BPTF: variants seen among roughly 807,000 people sequenced by gnomAD.
BPTF encodes nucleosome-remodeling factor subunit BPTF.
Under a neutral mutation model 292.5 loss-of-function variants are expected in BPTF, and 18 were observed. The ratio of observed to expected loss-of-function variants is 0.06; its 90% CI spans 0.04 to 0.09. BPTF has a LOEUF of 0.09. Ranked by LOEUF, BPTF falls within the 10% of genes least tolerant of loss-of-function variation. The pLI, the probability that BPTF is intolerant of heterozygous loss-of-function variation, is 1.00. For synonymous variants in BPTF, 1,225 were observed against 1,251.9 expected (o/e 0.98, Z 0.45); for missense variants, 2,726 against 3,498.7 (o/e 0.78, Z 5.57).
At chr17:67,918,136 A>G (rs1207745264) in intron 11 of BPTF, among the ~76,000 whole-genome samples, 2 of 150,406 alleles carry the variant, frequency 1.3e-5, no homozygotes, top group African/African-American at 4.9e-5. Flanking sequence ...GGGTTTTGCC[A>G]TATTGGTCAG....
intron 2 of BPTF, among the ~76,000 whole-genome samples, chr17:67,857,475 TTTTTTTGA>T (rs1015310987): frequency 6.6e-6 from 1 of 151,050 alleles, no homozygotes. Context: ...ATTTTTTTTT[TTTTTTTGA>T]AGACAAGATC....
intron 27 of BPTF, among the ~76,000 whole-genome samples, chr17:67,978,302 A>AT (rs1295204423): frequency 5.6e-4 from 22 of 39,492 alleles, no homozygotes; most frequent in Admixed American, 1.4e-3. Flanking sequence ...ATATATATAT[A>AT]TATATATTTT....
At chr17:67,833,368 C>T (rs1244977530) in intron 1 of BPTF, among the ~76,000 whole-genome samples, 1 of 151,834 alleles carries the variant, frequency 6.6e-6, no homozygotes, top group African/African-American at 2.4e-5. Flanking sequence ...ATTACAGGCA[C>T]ACATCTCTGT....
chr17:67,921,090 A>C (rs1184310125), intron 13 of BPTF, among the ~76,000 whole-genome samples: 3 of 151,418 alleles, frequency 2.0e-5, no homozygotes, highest in Admixed American at 1.3e-4. Flanking sequence ...CATGCCTGTA[A>C]TCCCAGCTAC....
intron 25 of BPTF, chr17:67,965,354 A>G (rs1555686700): frequency 6.7e-6 from 1 of 149,704 alleles, no homozygotes; most frequent in Non-Finnish European, 1.5e-5. Flanking sequence ...GAAAAAAAAG[A>G]AAAACGGGAT....
intron 14 of BPTF, 23 bp downstream of exon 14, chr17:67,923,013 G>A (rs1191063782): frequency 6.3e-7 from 1 of 1,589,896 alleles, no homozygotes; most frequent in Admixed American, 1.9e-5. Context: ...TTAATACCTG[G>A]TCAGCTATTT....
chr17:67,971,085 C>G lies in BPTF; in HGVS notation c.8539+4429C>G, dbSNP rs568674491. 2.0e-5 allele frequency among the ~76,000 whole-genome samples: 3 copies of G among 151,490 alleles called. No homozygotes were observed. In the East Asian group the frequency reaches 5.8e-4, roughly 29 times the overall value. ...TTCTGAGTAGCGGGGATGTAGTATACTTTTTTTGTTTGTTTGTTTTTTGAG... is the reference window on the plus strand; with the variant it reads ...TTCTGAGTAGCGGGGATGTAGTATAGTTTTTTTGTTTGTTTGTTTTTTGAG... On this transcript the variant is annotated intron_variant, in intron 26 of 27. Transcript: ENST00000306378.
At chr17:67,882,229 C>T (rs981333221) in intron 4 of BPTF, among the ~76,000 whole-genome samples, 2 of 152,032 alleles carry the variant, frequency 1.3e-5, no homozygotes, top group African/African-American at 4.8e-5. Flanking sequence ...CCAAGAAGTC[C>T]TGGTTCCTTT....
At chr17:67,953,054 C>T (rs545057513) in intron 23 of BPTF, among the ~76,000 whole-genome samples, 68 of 151,372 alleles carry the variant, frequency 4.5e-4, no homozygotes, top group African/African-American at 9.7e-4. Flanking sequence ...TCCGTCTCCC[C>T]GGGTTCACGC....
At chr17:67,828,461 T>G (rs1450253432) in intron 1 of BPTF, among the ~76,000 whole-genome samples, 2 of 152,254 alleles carry the variant, frequency 1.3e-5, no homozygotes, top group African/African-American at 2.4e-5. Context: ...ATATGCTGAC[T>G]TAAATTACAA....
Position 67,920,184 on chromosome 17 carries a change from A to G in BPTF, c.5557+41A>G. 2.6e-6 allele frequency: 4 copies of G among 1,563,572 alleles called. No individual in the cohort carries two copies. The East Asian group carries it at 9.0e-5, about 35-fold the overall frequency. On this transcript the variant is annotated intron_variant, in intron 13 of 27. Transcript: ENST00000306378. ...CTATTCTTTCATGATTAACCTGTTA[A>G]CCATGTATTTTATGAATTGAAATTT...
chr17:67,904,959 G>T (rs1047583724), intron 9 of BPTF, 119 bp downstream of exon 9: 4 of 744,418 alleles, frequency 5.4e-6, no homozygotes, highest in Non-Finnish European at 8.1e-6. Flanking sequence ...TATTCGTACT[G>T]CAGAATTACT....
chr17:67,860,240 A>C (rs2058996135), intron 2 of BPTF, among the ~76,000 whole-genome samples: 1 of 152,230 alleles, frequency 6.6e-6, no homozygotes, highest in African/African-American at 2.4e-5. Flanking sequence ...CAAATCTGAA[A>C]GATTTTACAT....
At chr17:67,922,191 T>G (rs2078269427) in intron 13 of BPTF, among the ~76,000 whole-genome samples, 1 of 152,226 alleles carries the variant, frequency 6.6e-6, no homozygotes, top group African/African-American at 2.4e-5. Context: ...TCTCTTTGGC[T>G]TGTATCCCTT....
At chr17:67,904,254 T>A (rs1360737148) in intron 8 of BPTF, among the ~76,000 whole-genome samples, 1 of 152,160 alleles carries the variant, frequency 6.6e-6, no homozygotes, top group Non-Finnish European at 1.5e-5. Context: ...GTCTTGGAAC[T>A]CCTGACCTCA....
In BPTF at chr17:67,831,148, C is replaced by T. The variant is rs547262989; in HGVS notation, c.613+4811C>T. ...CTTCTGCAGGATGGATTGACAAGGA[C>T]GAGATAGCTGGTGGGTTTTGTAGCC... On this transcript the variant is annotated intron_variant, in intron 1 of 27. Transcript: ENST00000306378. 5.9e-5 allele frequency among the ~76,000 whole-genome samples: 9 copies of T among 152,200 alleles called. No individual in the cohort carries two copies. The South Asian group carries it at 1.9e-3, about 32-fold the overall frequency.
intron 5 of BPTF, 123 bp from the exon 6 acceptor site, chr17:67,893,247 A>G (rs570961612): frequency 7.3e-6 from 5 of 684,548 alleles, no homozygotes; most frequent in Admixed American, 2.9e-5. Flanking sequence ...CAAAAGTTCT[A>G]TCATAAGATT....
chr17:67,939,536 A>C (rs903060469), intron 18 of BPTF, among the ~76,000 whole-genome samples: 3 of 152,242 alleles, frequency 2.0e-5, no homozygotes, highest in Non-Finnish European at 4.4e-5. Flanking sequence ...GAGCCATTCC[A>C]GTTCAACTTC....
At chr17:67,979,169 C>CAAAAAAAAAAAAAA (rs11376410) in intron 27 of BPTF, among the ~76,000 whole-genome samples, 6 of 72,564 alleles carry the variant, frequency 8.3e-5, no homozygotes, top group African/African-American at 4.8e-4. Context: ...GACCCTGTCT[C>CAAAAAAAAAAAAAA]AAAAAAAAAA....
Sources: allele counts gnomAD v4.1 joint callset (sites outside exome capture counted in the v4.1 genomes callset), GRCh38; gene constraint gnomAD v4.1.1; transcripts MANE v1.5; gene names NCBI Gene and HGNC (gene_info 2026-07-23, HGNC 2026-07-21).